GRM3: variants seen among roughly 807,000 people sequenced by gnomAD.
GRM3 encodes metabotropic glutamate receptor 3.
Under a neutral mutation model 70.5 loss-of-function variants are expected in GRM3, and 26 were observed. The observed-to-expected ratio is 0.37, with a 90% CI of 0.27 to 0.51. The LOEUF is 0.51. GRM3 is among the 20% of genes least tolerant of loss of function. The pLI, the probability that GRM3 is intolerant of heterozygous loss-of-function variation, is 0.93. For synonymous variants in GRM3, 443 were observed against 434.9 expected (o/e 1.02, Z -0.23); for missense variants, 859 against 1,123.8 (o/e 0.76, Z 3.37).
intron 1 of GRM3, among the ~76,000 whole-genome samples, chr7:86,757,706 T>C (rs1052199502): frequency 1.3e-5 from 2 of 152,164 alleles, no homozygotes; most frequent in African/African-American, 4.8e-5. Context: ...CTGCCACTGC[T>C]ACATGGCAGG....
At chr7:86,668,553 C>T (rs1250848655) in intron 1 of GRM3, among the ~76,000 whole-genome samples, 1 of 152,090 alleles carries the variant, frequency 6.6e-6, no homozygotes, top group Non-Finnish European at 1.5e-5. Flanking sequence ...TTCATATAAT[C>T]CTTGGGCAAT....
intron 1 of GRM3, among the ~76,000 whole-genome samples, chr7:86,744,700 A>G (rs964263611): frequency 2.0e-5 from 3 of 152,138 alleles, no homozygotes; most frequent in Non-Finnish European, 4.4e-5. Flanking sequence ...ATTCTGATGC[A>G]TGAACAGGTG....
chr7:86,765,957 G>T (rs1216826887), intron 2 of GRM3, among the ~76,000 whole-genome samples: 4 of 152,138 alleles, frequency 2.6e-5, no homozygotes, highest in Admixed American at 6.6e-5. Flanking sequence ...GCTCCAGGTT[G>T]TCTCTTATCC....
intron 5 of GRM3, among the ~76,000 whole-genome samples, chr7:86,857,430 C>T (rs1043369659): frequency 6.6e-6 from 1 of 152,074 alleles, no homozygotes; most frequent in African/African-American, 2.4e-5. Flanking sequence ...TATGACCTGA[C>T]TTTAAAAGCA....
chr7:86,649,986 A>G (rs187341381), intron 1 of GRM3, among the ~76,000 whole-genome samples: 143 of 152,342 alleles, frequency 9.4e-4, no homozygotes, highest in African/African-American at 3.4e-3. Flanking sequence ...CAACCAAATG[A>G]AAAAGTCTGT....
intron 1 of GRM3, among the ~76,000 whole-genome samples, chr7:86,667,844 T>C (rs1794066115): frequency 6.6e-6 from 1 of 152,152 alleles, no homozygotes; most frequent in African/African-American, 2.4e-5. Flanking sequence ...GTCTTTTGGG[T>C]TGCAAGCCAA....
intron 1 of GRM3, among the ~76,000 whole-genome samples, chr7:86,730,509 G>T (rs1795708242): frequency 6.6e-6 from 1 of 152,220 alleles, no homozygotes; most frequent in Non-Finnish European, 1.5e-5. Flanking sequence ...TGGCCCAGCA[G>T]TTGACTTCTT....
At chr7:86,773,602 C>G (rs1003071464) in intron 2 of GRM3, among the ~76,000 whole-genome samples, 1 of 151,986 alleles carries the variant, frequency 6.6e-6, no homozygotes, top group African/African-American at 2.4e-5. Context: ...TATTTCCTTC[C>G]CAGACTTTTC....
chr7:86,838,868 A>G lies in GRM3; in HGVS notation c.1354A>G (p.Ser452Gly). Reference sequence around the variant, plus strand: ...ATTCAACCCAAATAAAGATGCAGATAGCATAGTCAAGTTTGACACTTTTGG... The same window carrying G: ...ATTCAACCCAAATAAAGATGCAGATGGCATAGTCAAGTTTGACACTTTTGG... ...APFNPNKDAD[S>G]IVKFDTFGDG... Residue 452 changes from serine to glycine, a missense_variant, in exon 4 of 6, where the codon AGC (serine) becomes GGC (glycine). Ser to Gly is a moderately conservative substitution (Grantham distance 56). Coordinates refer to ENST00000361669, the MANE Select transcript of GRM3 (RefSeq NM_000840.3). The G allele has an allele frequency of 6.2e-7, 1 of 1,610,996 alleles. No homozygotes were observed. Among genetic ancestry groups the G allele is most frequent in the East Asian group, 2.2e-5 (1 of 44,850 alleles).
At chr7:86,766,970 G>C (rs1161723063) in intron 2 of GRM3, among the ~76,000 whole-genome samples, 1 of 152,128 alleles carries the variant, frequency 6.6e-6, no homozygotes, top group East Asian at 1.9e-4. Flanking sequence ...CAGCACTTTG[G>C]GAGGCTGAGG....
intron 1 of GRM3, among the ~76,000 whole-genome samples, chr7:86,747,156 G>A (rs376027007): frequency 6.6e-6 from 1 of 152,042 alleles, no homozygotes; most frequent in East Asian, 1.9e-4. Flanking sequence ...AAAAATTTAA[G>A]CAGAGAAGCC....
At chr7:86,676,390 T>C (rs1052329167) in intron 1 of GRM3, among the ~76,000 whole-genome samples, 1 of 151,436 alleles carries the variant, frequency 6.6e-6, no homozygotes, top group Non-Finnish European at 1.5e-5. Flanking sequence ...AACAAAAAAA[T>C]TAACAAGGTA....
At chr7:86,756,737 C>T (rs1796354015) in intron 1 of GRM3, among the ~76,000 whole-genome samples, 1 of 152,114 alleles carries the variant, frequency 6.6e-6, no homozygotes, top group South Asian at 2.1e-4. Flanking sequence ...GTTTTGTAAT[C>T]TTATGTTTAT....
At chr7:86,756,602 G>C (rs556487328) in intron 1 of GRM3, among the ~76,000 whole-genome samples, 1 of 152,184 alleles carries the variant, frequency 6.6e-6, no homozygotes, top group East Asian at 1.9e-4. Context: ...TTACACATAT[G>C]TGCTGCTTTA....
At chr7:86,692,264 A>AT (rs1366611318) in intron 1 of GRM3, among the ~76,000 whole-genome samples, 2 of 152,160 alleles carry the variant, frequency 1.3e-5, no homozygotes, top group South Asian at 2.1e-4. Context: ...GTTTTCAAAC[A>AT]TTTTTTCTCT....
At chr7:86,756,980 G>A (rs1209892440) in intron 1 of GRM3, among the ~76,000 whole-genome samples, 1 of 152,012 alleles carries the variant, frequency 6.6e-6, no homozygotes, top group Non-Finnish European at 1.5e-5. Flanking sequence ...CTCCTGTCAT[G>A]AAATCTTTAT....
In GRM3 at chr7:86,786,590, G is replaced by A. The variant is rs1441347216; in HGVS notation, c.798G>A (p.Lys266=). 3.1e-6 allele frequency: 5 copies of A among 1,613,714 alleles called. No individual in the cohort carries two copies. The highest frequency in any genetic ancestry group is 4.2e-6 in the Non-Finnish European group (5 of 1,180,046). Residue 266 remains lysine (K), a synonymous_variant, in exon 3 of 6, where the codon AAG becomes AAA. Coordinates refer to ENST00000361669, the MANE Select transcript of GRM3 (RefSeq NM_000840.3). The surrounding 1 kb of genome is among the most constrained non-coding windows in gnomAD (Gnocchi z 6.0). The part of the protein sequence containing the change: ...YDSVIRELLQ[K]PNARVVVLFM... Reference sequence around the variant, plus strand: ...GCGTGATCCGAGAACTGTTGCAGAAGCCCAACGCGCGCGTCGTGGTCCTCT... The same window carrying A: ...GCGTGATCCGAGAACTGTTGCAGAAACCCAACGCGCGCGTCGTGGTCCTCT...
intron 1 of GRM3, among the ~76,000 whole-genome samples, chr7:86,702,174 G>T (rs1241304523): frequency 1.3e-5 from 2 of 152,024 alleles, no homozygotes; most frequent in Non-Finnish European, 2.9e-5. Context: ...TTACCTGAGT[G>T]TAAGTGTGAG....
intron 1 of GRM3, among the ~76,000 whole-genome samples, chr7:86,751,785 G>A (rs1243695675): frequency 1.3e-5 from 2 of 152,030 alleles, no homozygotes; most frequent in East Asian, 3.9e-4. Context: ...GCCTCTGCAC[G>A]CCCATCACTC....
Sources: allele counts gnomAD v4.1 joint callset (sites outside exome capture counted in the v4.1 genomes callset), GRCh38; gene constraint gnomAD v4.1.1; non-coding constraint Gnocchi (gnomAD v3.1); transcripts MANE v1.5; gene names NCBI Gene and HGNC (gene_info 2026-07-23, HGNC 2026-07-21).